Variants in ARSB observed in about 807,000 individuals in gnomAD.
ARSB encodes N-acetylgalactosamine-4-sulfatase.
Under a neutral mutation model 50.9 loss-of-function variants are expected in ARSB, and 41 were observed. That is an observed-to-expected ratio of 0.81 (90% CI 0.63 to 1.04). The LOEUF (loss-of-function observed/expected upper bound fraction) is 1.04, where lower values mean the gene tolerates loss of function less well. ARSB is among the 50% of genes least tolerant of loss of function. ARSB has a pLI of 0.00. For missense variants in ARSB, 672 were observed against 693.3 expected (o/e 0.97, Z 0.35); for synonymous variants, 269 against 284.8 (o/e 0.94, Z 0.56).
In ARSB at chr5:78,865,302, C is replaced by T. The variant is rs187253139; in HGVS notation, c.1142+20282G>A. Reference sequence around the variant, plus strand: ...CTGTGCACTGGCAGGCTCAACACCACGTGGAAGCTGCCAAGGCTTGGGGCT... The same window carrying T: ...CTGTGCACTGGCAGGCTCAACACCATGTGGAAGCTGCCAAGGCTTGGGGCT... On this transcript the variant is annotated intron_variant, in intron 5 of 7. Coordinates refer to ENST00000264914, the MANE Select transcript of ARSB (RefSeq NM_000046.5). Among the ~76,000 whole-genome samples, 181 of 152,326 alleles carry T rather than the reference C, an allele frequency of 1.2e-3. 1 individual carries two copies. Among genetic ancestry groups the T allele is most frequent in the African/African-American group, 4.1e-3 (170 of 41,576 alleles).
At position 78,784,988 on chromosome 5, in the gene ARSB, CAG is replaced by C. The variant is rs199804372; in HGVS notation, c.1214-3016_1214-3015del. On this transcript the variant is annotated intron_variant, in intron 6 of 7. Transcript: ENST00000264914. ...TAATTTTTTGTATTTTTAGTAGAGA[CAG>C]AGTTTCACCATGTTGGCCAGGCTGG... 4.6e-3 allele frequency among the ~76,000 whole-genome samples: 706 copies of C among 151,982 alleles called. 4 individuals are homozygous for C. Among genetic ancestry groups the C allele is most frequent in the Admixed American group, 0.017 (261 of 15,260 alleles).
intron 3 of ARSB, among the ~76,000 whole-genome samples, chr5:78,959,966 G>T (rs938539317): frequency 6.6e-6 from 1 of 152,066 alleles, no homozygotes; most frequent in African/African-American, 2.4e-5. Context: ...ACCAGAGCTC[G>T]GCTCACTGTC....
At chr5:78,854,055 C>A (rs150605841) in intron 5 of ARSB, among the ~76,000 whole-genome samples, 1 of 152,232 alleles carries the variant, frequency 6.6e-6, no homozygotes, top group Admixed American at 6.5e-5. Context: ...GCGCATGGTG[C>A]GCTGCACCCA....
At chr5:78,880,036 T>C (rs1323181281) in intron 5 of ARSB, among the ~76,000 whole-genome samples, 1 of 152,096 alleles carries the variant, frequency 6.6e-6, no homozygotes, top group Non-Finnish European at 1.5e-5. Flanking sequence ...ACAATAATTT[T>C]GGCCATATCT....
intron 2 of ARSB, among the ~76,000 whole-genome samples, chr5:78,964,992 G>A (rs1036245757): frequency 1.3e-5 from 2 of 152,148 alleles, no homozygotes; most frequent in African/African-American, 4.8e-5. Flanking sequence ...ACATAAATGA[G>A]TGCAGGATTC....
intron 6 of ARSB, among the ~76,000 whole-genome samples, chr5:78,788,305 G>A (rs113762481): frequency 0.011 from 1,703 of 152,292 alleles, 25 homozygotes; most frequent in Non-Finnish European, 0.013. Flanking sequence ...GATGAAATAT[G>A]TTACATAATA....
chr5:78,795,348 T>C (rs1743139120), intron 6 of ARSB, among the ~76,000 whole-genome samples: 1 of 151,990 alleles, frequency 6.6e-6, no homozygotes, highest in Non-Finnish European at 1.5e-5. Flanking sequence ...GATGCCCCCA[T>C]GTGGGTGCAG....
intron 3 of ARSB, 106 bp downstream of exon 3, chr5:78,964,310 A>C: frequency 8.7e-7 from 1 of 1,147,432 alleles, no homozygotes; most frequent in South Asian, 1.3e-5. Context: ...ACTTCCCTAG[A>C]ATTTATTAGA....
intron 5 of ARSB, chr5:78,883,718 A>G (rs944121466): frequency 6.6e-6 from 1 of 152,184 alleles, no homozygotes; most frequent in Admixed American, 6.5e-5. Flanking sequence ...GGTGAGGCCC[A>G]TTAGAGAGGA....
At chr5:78,868,331 G>A (rs1746919662) in intron 5 of ARSB, among the ~76,000 whole-genome samples, 1 of 95,158 alleles carries the variant, frequency 1.1e-5, no homozygotes. Flanking sequence ...GATACTCCTC[G>A]AGAAGAGCAA....
At chr5:78,957,965 T>A (rs928822143) in intron 3 of ARSB, among the ~76,000 whole-genome samples, 13 of 145,312 alleles carry the variant, frequency 8.9e-5, no homozygotes, top group Non-Finnish European at 2.0e-4. Context: ...CGTAAAGTTT[T>A]AAAAAAAATC....
At chr5:78,862,040 T>C (rs1746464454) in intron 5 of ARSB, among the ~76,000 whole-genome samples, 1 of 152,052 alleles carries the variant, frequency 6.6e-6, no homozygotes, top group African/African-American at 2.4e-5. Flanking sequence ...ATAAAATACC[T>C]AGGAATCCAA....
At chr5:78,879,607 G>A (rs554494174) in intron 5 of ARSB, among the ~76,000 whole-genome samples, 2 of 152,276 alleles carry the variant, frequency 1.3e-5, no homozygotes, top group Admixed American at 6.5e-5. Context: ...CCATCATCTC[G>A]AAAGTGGTAT....
chr5:78,935,807 T>A (rs1019808583), intron 4 of ARSB, among the ~76,000 whole-genome samples: 6 of 152,232 alleles, frequency 3.9e-5, no homozygotes, highest in South Asian at 2.1e-4. Context: ...GAAGTTTAAG[T>A]ATCTTACCCA....
intron 4 of ARSB, among the ~76,000 whole-genome samples, chr5:78,907,635 A>T (rs891307597): frequency 2.0e-5 from 3 of 152,204 alleles, no homozygotes; most frequent in Admixed American, 2.0e-4. Flanking sequence ...TATATTTTTT[A>T]AAATTTTGTT....
At chr5:78,795,425 G>T (rs147427985) in intron 6 of ARSB, among the ~76,000 whole-genome samples, 1 of 152,186 alleles carries the variant, frequency 6.6e-6, no homozygotes, top group Admixed American at 6.5e-5. Context: ...CTGGCTTGTG[G>T]GTCTAGATTA....
At chr5:78,844,406 G>C (rs1455605452) in intron 5 of ARSB, among the ~76,000 whole-genome samples, 1 of 152,090 alleles carries the variant, frequency 6.6e-6, no homozygotes, top group Non-Finnish European at 1.5e-5. Flanking sequence ...TTTTATGATT[G>C]AGTTGCATGA....
intron 5 of ARSB, among the ~76,000 whole-genome samples, chr5:78,870,464 C>A (rs1442701049): frequency 1.4e-5 from 2 of 141,302 alleles, no homozygotes; most frequent in East Asian, 4.0e-4. Flanking sequence ...AGCTTATCCA[C>A]CATGATCAAG....
At chr5:78,795,075 T>TA (rs1160994860) in intron 6 of ARSB, among the ~76,000 whole-genome samples, 1 of 152,212 alleles carries the variant, frequency 6.6e-6, no homozygotes, top group Admixed American at 6.5e-5. Context: ...TGAAAGCCCA[T>TA]AATAGGGTCC....
Sources: allele counts gnomAD v4.1 joint callset (sites outside exome capture counted in the v4.1 genomes callset), GRCh38; gene constraint gnomAD v4.1.1; transcripts MANE v1.5; gene names NCBI Gene and HGNC (gene_info 2026-07-23, HGNC 2026-07-21).